Variants in NACC2 observed in about 807,000 individuals in gnomAD.
NACC2 encodes nucleus accumbens-associated protein 2.
In NACC2, 8 loss-of-function variants were observed where a neutral mutation model predicts 25.1. That is an observed-to-expected ratio of 0.32 (90% CI 0.19 to 0.57). The LOEUF (loss-of-function observed/expected upper bound fraction) is 0.57. Ranked by LOEUF, NACC2 falls within the 20% of genes least tolerant of loss-of-function variation. The pLI is 0.89. For synonymous variants in NACC2, 435 were observed against 294.7 expected, an observed-to-expected ratio of 1.48 and a Z score of -4.88; for missense variants, 644 against 650.2, an observed-to-expected ratio of 0.99 and a Z score of 0.10.
Position 136,086,282 on chromosome 9 carries a change from C to A in NACC2, c.-60+8907G>T, listed in dbSNP as rs976765941. ...GTGCAGCTGGGGACAGGACGAAGGG[C>A]ACATGCCCCCCGAGGCCTCCCACTC... On this transcript the variant is annotated intron_variant, in intron 1 of 5. Transcript: ENST00000277554. The surrounding 1 kb of genome is among the most constrained non-coding windows in gnomAD (Gnocchi z 5.6). Among the ~76,000 whole-genome samples, 2 of 152,224 alleles carry A rather than the reference C, an allele frequency of 1.3e-5. No individual in the cohort carries two copies.
At chr9:136,026,850 A>G (rs1258327927) in intron 2 of NACC2, among the ~76,000 whole-genome samples, 2 of 152,270 alleles carry the variant, frequency 1.3e-5, no homozygotes, top group East Asian at 3.8e-4. Flanking sequence ...AGAGGGGAAG[A>G]GCAGAGACCA....
At chr9:136,053,809 A>G (rs1840884689) in intron 1 of NACC2, among the ~76,000 whole-genome samples, 2 of 152,196 alleles carry the variant, frequency 1.3e-5, no homozygotes, top group Admixed American at 6.5e-5. Flanking sequence ...AAAAGAGGGG[A>G]CAGGCAGAGG....
chr9:136,071,992 C>T (rs1257276691), intron 1 of NACC2, among the ~76,000 whole-genome samples: 2 of 152,172 alleles, frequency 1.3e-5, no homozygotes, highest in Non-Finnish European at 2.9e-5. Flanking sequence ...AATCCCAGCA[C>T]TTCGGGAGGC....
intron 1 of NACC2, among the ~76,000 whole-genome samples, chr9:136,064,166 G>A (rs943710085): frequency 2.7e-5 from 4 of 149,010 alleles, no homozygotes; most frequent in Non-Finnish European, 6.0e-5. Context: ...TTGTGTACCT[G>A]TGGTCCCAGC....
chr9:136,020,305 G>A lies in NACC2; in HGVS notation c.887-3876C>T, dbSNP rs1308836234. 6.6e-6 allele frequency among the ~76,000 whole-genome samples: 1 copy of A among 152,262 alleles called. No individual in the cohort carries two copies. The highest frequency in any genetic ancestry group is 2.1e-4 in the South Asian group (1 of 4,832). On this transcript the variant is annotated intron_variant, in intron 2 of 5. Coordinates refer to ENST00000277554, the MANE Select transcript of NACC2 (RefSeq NM_144653.5). This position sits in a 1 kb window ranked among gnomAD's most constrained non-coding sequence, Gnocchi z 4.7. ...TGGGTTACTGATTGGGTTCTGAGGT[G>A]CTCCACGTCCTCACCAGGCAAAACA...
intron 1 of NACC2, among the ~76,000 whole-genome samples, chr9:136,051,674 G>C (rs2131164009): frequency 6.6e-6 from 1 of 152,190 alleles, no homozygotes; most frequent in East Asian, 1.9e-4. Context: ...ACGCGCGCCG[G>C]GGGCGGCCCG....
chr9:136,089,965 C>T (rs1158157724), intron 1 of NACC2, among the ~76,000 whole-genome samples: 1 of 149,846 alleles, frequency 6.7e-6, no homozygotes, highest in Non-Finnish European at 1.5e-5. Context: ...AATCTTCTCT[C>T]ACCCTAATGG....
intron 1 of NACC2, among the ~76,000 whole-genome samples, chr9:136,058,602 C>T (rs1220859525): frequency 1.3e-5 from 2 of 152,202 alleles, no homozygotes; most frequent in Non-Finnish European, 2.9e-5. Context: ...GGGAAGAGGG[C>T]AAAGGCTGAA....
chr9:136,023,747 G>T (rs112991719), intron 2 of NACC2, among the ~76,000 whole-genome samples: 191 of 152,370 alleles, frequency 1.3e-3, no homozygotes, highest in African/African-American at 4.4e-3. Flanking sequence ...GCAAGAGCTT[G>T]TCCAGCCATA....
chr9:136,048,842 GGA>G (rs1290034474), intron 2 of NACC2, among the ~76,000 whole-genome samples: 4 of 152,170 alleles, frequency 2.6e-5, no homozygotes, highest in Non-Finnish European at 5.9e-5. Context: ...GTGGTGGGGT[GGA>G]GAGAGTCCCT....
intron 2 of NACC2, among the ~76,000 whole-genome samples, chr9:136,032,540 C>A (rs1377388739): frequency 6.6e-6 from 1 of 152,138 alleles, no homozygotes; most frequent in East Asian, 1.9e-4. Flanking sequence ...GAAGTTCTGG[C>A]CAGTTCAATG....
intron 1 of NACC2, among the ~76,000 whole-genome samples, chr9:136,057,102 T>G (rs1840936224): frequency 6.6e-6 from 1 of 152,186 alleles, no homozygotes; most frequent in Admixed American, 6.5e-5. Flanking sequence ...CAGCAGGCTC[T>G]GCGTCCGATA....
In NACC2 at chr9:136,054,033, T is replaced by G. The variant is rs1221253706; in HGVS notation, c.-59-3453A>C. On this transcript the variant is annotated intron_variant, in intron 1 of 5. Transcript: ENST00000277554. ...CACCTCAGCCTCAGACGCTGAGCTG[T>G]GAACTGGGGTTATGATTTACCCTCA... Among the ~76,000 whole-genome samples the G allele has an allele frequency of 2.0e-5, 3 of 152,170 alleles. No individual in the cohort carries two copies. The East Asian group carries it at 5.8e-4, about 29-fold the overall frequency.
At position 136,011,678 on chromosome 9, in the gene NACC2, C is replaced by A; in HGVS notation, c.1602G>T (p.Gly534=). The change falls in exon 6 of 6, where the codon GGG becomes GGT. Residue 534 remains glycine, a synonymous_variant. Coordinates refer to ENST00000277554, the MANE Select transcript of NACC2 (RefSeq NM_144653.5). ...PAFDAGEEVD[G]AGSVIQEVAA... ...CCACCTCCTGGATGACCGAGCCAGC[C>A]CCGTCCACCTCCTCGCCGGCGTCGA... is the stretch of plus-strand genomic sequence containing the variant. 1.4e-6 allele frequency: 2 copies of A among 1,450,642 alleles called. No individual in the cohort carries two copies. Among genetic ancestry groups the A allele is most frequent in the Middle Eastern group, 3.6e-4 (2 of 5,534 alleles). The allele number at this position is 1,450,642 out of a possible 1,614,324, so 89.9% of individuals were successfully genotyped here.
In NACC2 at chr9:136,051,876, A is replaced by AGGAGGAGGAGGAGGAGG. The variant is rs1840846593; in HGVS notation, c.-59-1297_-59-1296insCCTCCTCCTCCTCCTCC. On this transcript the variant is annotated intron_variant, in intron 1 of 5. Coordinates refer to ENST00000277554, the MANE Select transcript of NACC2 (RefSeq NM_144653.5). ...GGCGGGGAGGGCGCAGGGAGCCGGC[A>AGGAGGAGGAGGAGGAGG]AGGAGGAGGAGGAGGAGGAGGAGGA... Among the ~76,000 whole-genome samples, 8 of 132,378 alleles carry AGGAGGAGGAGGAGGAGG rather than the reference A, an allele frequency of 6.0e-5. No individual in the cohort carries two copies. In the East Asian group the frequency reaches 9.9e-4, roughly 16 times the overall value. The allele number at this position is 132,378 out of a possible 152,430, so 86.8% of individuals were successfully genotyped here.
chr9:136,015,268 G>A (rs10858201), intron 3 of NACC2, among the ~76,000 whole-genome samples: 35,850 of 152,200 alleles, frequency 0.24, 5,051 homozygotes, highest in East Asian at 0.33. Flanking sequence ...GGGCACCTGC[G>A]CCCCAGAGCC....
intron 2 of NACC2, among the ~76,000 whole-genome samples, chr9:136,038,459 G>T (rs1039166218): frequency 2.1e-4 from 32 of 152,330 alleles, no homozygotes; most frequent in African/African-American, 7.2e-4. Context: ...AAGATGGCTT[G>T]AGCCCGGGAG....
chr9:136,038,193 A>C (rs944421534), intron 2 of NACC2, among the ~76,000 whole-genome samples: 1 of 152,170 alleles, frequency 6.6e-6, no homozygotes, highest in Non-Finnish European at 1.5e-5. Flanking sequence ...GAGTGATGAA[A>C]TTGTTCTATA....
chr9:136,070,202 G>A (rs531844727), intron 1 of NACC2, among the ~76,000 whole-genome samples: 1 of 151,982 alleles, frequency 6.6e-6, no homozygotes, highest in East Asian at 1.9e-4. Flanking sequence ...TGTCAAAGAA[G>A]AAGTCTCAAG....
Sources: allele counts gnomAD v4.1 joint callset (sites outside exome capture counted in the v4.1 genomes callset), GRCh38; gene constraint gnomAD v4.1.1; non-coding constraint Gnocchi (gnomAD v3.1); transcripts MANE v1.5; gene names NCBI Gene and HGNC (gene_info 2026-07-23, HGNC 2026-07-21).